Variants in UST observed in about 807,000 individuals in gnomAD.
UST encodes uronyl 2-sulfotransferase, also known as chondroitin sulfate 2-O-sulfotransferase.
In UST, 21 loss-of-function variants were observed where a neutral mutation model predicts 45.6. The ratio of observed to expected loss-of-function variants is 0.46; its 90% CI spans 0.33 to 0.66. The LOEUF is 0.66. UST is among the 30% of genes least tolerant of loss of function. The probability of loss-of-function intolerance (pLI) is 0.02; values close to 1 mark genes in which losing one functional copy is unlikely to be tolerated. For synonymous variants in UST, 215 were observed against 200.6 expected (o/e 1.07, Z -0.61); for missense variants, 463 against 512.4 (o/e 0.90, Z 0.93).
intron 5 of UST, among the ~76,000 whole-genome samples, chr6:149,017,999 A>G (rs1424721342): frequency 6.6e-6 from 1 of 152,090 alleles, no homozygotes; most frequent in Non-Finnish European, 1.5e-5. Context: ...CTCCCTGGAA[A>G]CTGCACCTCC....
intron 1 of UST, among the ~76,000 whole-genome samples, chr6:148,812,157 A>G (rs1483160): frequency 0.74 from 113,299 of 152,132 alleles, 43,264 homozygotes; most frequent in East Asian, 0.98. Flanking sequence ...AGTGATCTTT[A>G]AGAAAATGCA....
chr6:149,012,068 C>T lies in UST; in HGVS notation c.682-7071C>T, dbSNP rs141285667. On this transcript the variant is annotated intron_variant, in intron 5 of 7. Transcript: ENST00000367463. ...GCCACAGATATTAAATATCCAACAT[C>T]GCAAGCTGTGCTTACAACAGGGAGA... is the stretch of plus-strand genomic sequence containing the variant. Among the ~76,000 whole-genome samples the T allele has an allele frequency of 4.0e-3, 607 of 152,342 alleles. 6 individuals carry two copies. Among genetic ancestry groups the T allele is most frequent in the Admixed American group, 9.9e-3 (152 of 15,296 alleles).
intron 7 of UST, among the ~76,000 whole-genome samples, chr6:149,070,440 G>A (rs184795385): frequency 2.0e-4 from 31 of 152,102 alleles, no homozygotes; most frequent in African/African-American, 7.2e-4. Flanking sequence ...ATTCTAGAGT[G>A]TTCAATGTGT....
chr6:148,830,620 A>G (rs1777665135), intron 1 of UST, among the ~76,000 whole-genome samples: 1 of 152,234 alleles, frequency 6.6e-6, no homozygotes, highest in Non-Finnish European at 1.5e-5. Flanking sequence ...AGAAACTAGG[A>G]AGAGCATTAC....
chr6:149,021,400 G>A lies in UST; in HGVS notation c.856G>A (p.Glu286Lys), dbSNP rs747923042. The change falls in exon 7 of 8, where the codon GAG (glutamate) becomes AAG (lysine). Residue 286 changes from glutamate to lysine, a missense_variant. Around this residue, in one of 2 missense-constraint regions of UST, gnomAD observed 287 missense variants for 374.2 expected, o/e 0.77. Coordinates refer to ENST00000367463, the MANE Select transcript of UST (RefSeq NM_005715.3). ...ENFLLVGILE[E>K]LEDVLLLLER... ...CTTCCTGCTCGTGGGGATTCTTGAA[G>A]AGTTGGAAGATGTGCTGCTGTTACT... 3 of 1,614,224 alleles carry A rather than the reference G, an allele frequency of 1.9e-6. No homozygotes were observed. The highest frequency in any genetic ancestry group is 2.5e-6 in the Non-Finnish European group (3 of 1,180,042).
chr6:148,990,588 T>G (rs73605060), intron 5 of UST, among the ~76,000 whole-genome samples: 8,835 of 152,180 alleles, frequency 0.058, 770 homozygotes, highest in African/African-American at 0.19. Flanking sequence ...TGCAGAAAAT[T>G]CTGGCTTGTG....
At chr6:148,941,994 G>A (rs371918199) in intron 3 of UST, among the ~76,000 whole-genome samples, 60 of 152,124 alleles carry the variant, frequency 3.9e-4, no homozygotes, top group Non-Finnish European at 5.0e-4. Flanking sequence ...ACAAGTGGAC[G>A]TGCTGATGGT....
rs146707202 is a variant in UST, at chr6:148,960,352, G to T, written c.528-4058G>T. Among the ~76,000 whole-genome samples, 4 of 152,282 alleles carry T rather than the reference G, an allele frequency of 2.6e-5. No homozygotes were observed. The East Asian group carries it at 7.7e-4, about 29-fold the overall frequency. ...CCACTCCTCACTCTGCCCCCAAAAG[G>T]TCCTGTTCTTTTCCATGATGGCCTT... is the stretch of plus-strand genomic sequence containing the variant. On this transcript the variant is annotated intron_variant, in intron 4 of 7. Transcript: ENST00000367463.
At chr6:149,044,353 T>C (rs1442824854) in intron 7 of UST, among the ~76,000 whole-genome samples, 1 of 152,226 alleles carries the variant, frequency 6.6e-6, no homozygotes, top group Non-Finnish European at 1.5e-5. Flanking sequence ...TGACTTCTGT[T>C]GACATACAGT....
chr6:148,821,441 G>A (rs1305713550), intron 1 of UST, among the ~76,000 whole-genome samples: 1 of 152,174 alleles, frequency 6.6e-6, no homozygotes, highest in African/African-American at 2.4e-5. Flanking sequence ...TAGCAAGTAC[G>A]TGAGGCTGAC....
chr6:148,879,730 T>C (rs111247414), intron 1 of UST, among the ~76,000 whole-genome samples: 1 of 152,212 alleles, frequency 6.6e-6, no homozygotes, highest in Non-Finnish European at 1.5e-5. Flanking sequence ...CTGGTGTTGT[T>C]CTGAGCATTT....
chr6:149,066,408 G>T (rs1432389418), intron 7 of UST, among the ~76,000 whole-genome samples: 1 of 152,106 alleles, frequency 6.6e-6, no homozygotes, highest in Non-Finnish European at 1.5e-5. Context: ...AGTTTTGATG[G>T]CAAGGAGCCA....
intron 7 of UST, among the ~76,000 whole-genome samples, chr6:149,069,150 G>C (rs1019448342): frequency 6.6e-6 from 1 of 152,204 alleles, no homozygotes; most frequent in Non-Finnish European, 1.5e-5. Flanking sequence ...GATGGACACA[G>C]GTTGATTCCA....
At chr6:148,894,143 G>T (rs11758230) in intron 2 of UST, among the ~76,000 whole-genome samples, 1 of 152,074 alleles carries the variant, frequency 6.6e-6, no homozygotes, top group Non-Finnish European at 1.5e-5. Context: ...ACAGGAAAGA[G>T]AGAAAAGATG....
intron 2 of UST, among the ~76,000 whole-genome samples, chr6:148,935,177 A>G (rs1779995893): frequency 6.6e-6 from 1 of 152,238 alleles, no homozygotes; most frequent in Non-Finnish European, 1.5e-5. Context: ...CGCTCCACAC[A>G]GGCCTGTCAG....
intron 1 of UST, among the ~76,000 whole-genome samples, chr6:148,838,175 G>C (rs766457452): frequency 6.6e-6 from 1 of 152,244 alleles, no homozygotes; most frequent in Non-Finnish European, 1.5e-5. Flanking sequence ...ACTCTCAGGA[G>C]GGGCCGTATG....
At chr6:148,786,416 G>A (rs7740846) in intron 1 of UST, among the ~76,000 whole-genome samples, 3,037 of 152,146 alleles carry the variant, frequency 0.02, 95 homozygotes, top group African/African-American at 0.07. Flanking sequence ...TGGCCCCAGT[G>A]TGTGTTGTTC....
chr6:148,849,773 C>A (rs555512940), intron 1 of UST, among the ~76,000 whole-genome samples: 4 of 152,288 alleles, frequency 2.6e-5, no homozygotes, highest in Admixed American at 2.0e-4. Flanking sequence ...ATAACCTCCA[C>A]CTCGTCCTGC....
At chr6:148,863,689 G>C (rs954693453) in intron 1 of UST, among the ~76,000 whole-genome samples, 1 of 152,138 alleles carries the variant, frequency 6.6e-6, no homozygotes, top group Non-Finnish European at 1.5e-5. Context: ...TTTTGGTGTG[G>C]ATGTCCTTTC....
Sources: allele counts gnomAD v4.1 joint callset (sites outside exome capture counted in the v4.1 genomes callset), GRCh38; gene constraint gnomAD v4.1.1; regional missense constraint gnomAD v4.1.1; transcripts MANE v1.5; gene names NCBI Gene and HGNC (gene_info 2026-07-23, HGNC 2026-07-21).